Variants in STX8 observed in about 807,000 individuals in gnomAD.
STX8 encodes the protein syntaxin 8, also known as syntaxin-8.
A neutral mutation model predicts 37.5 loss-of-function variants in STX8; 23 were observed. The ratio of observed to expected loss-of-function variants is 0.61; its 90% confidence interval spans 0.44 to 0.87. The LOEUF is 0.87. STX8 is among the 40% of genes least tolerant of loss of function. The probability of loss-of-function intolerance (pLI) is 0.00; values close to 1 mark genes in which losing one functional copy is unlikely to be tolerated. For synonymous variants in STX8, 115 were observed against 99.1 expected (o/e 1.16, Z -0.95); for missense variants, 313 against 284.7 (o/e 1.10, Z -0.71).
intron 6 of STX8, among the ~76,000 whole-genome samples, chr17:9,397,458 C>T (rs145040659): frequency 3.9e-5 from 6 of 152,256 alleles, no homozygotes; most frequent in African/African-American, 1.4e-4. Flanking sequence ...GGGAGCCAAA[C>T]TCTCACTGTT....
At chr17:9,354,528 G>A (rs1910814328) in intron 7 of STX8, among the ~76,000 whole-genome samples, 1 of 151,788 alleles carries the variant, frequency 6.6e-6, no homozygotes, top group Admixed American at 6.6e-5. Context: ...CACCATGTTG[G>A]TCAGGCTGGT....
intron 7 of STX8, among the ~76,000 whole-genome samples, chr17:9,264,410 TC>T (rs953784855): frequency 6.6e-6 from 1 of 152,106 alleles, no homozygotes; most frequent in Non-Finnish European, 1.5e-5. Context: ...GCTCAAGTGA[TC>T]CCCCCACGTC....
At chr17:9,501,310 A>G (rs2142493859) in intron 5 of STX8, among the ~76,000 whole-genome samples, 1 of 152,348 alleles carries the variant, frequency 6.6e-6, no homozygotes, top group Non-Finnish European at 1.5e-5. Context: ...TTACTTAATG[A>G]CCCATCATAA....
At chr17:9,387,397 G>A (rs1456480383) in intron 6 of STX8, among the ~76,000 whole-genome samples, 4 of 152,080 alleles carry the variant, frequency 2.6e-5, no homozygotes, top group Non-Finnish European at 2.9e-5. Flanking sequence ...CCGGGTTCAC[G>A]CCATTCTCCT....
At chr17:9,503,105 CAAAAAAAAA>C (rs61437085) in intron 5 of STX8, among the ~76,000 whole-genome samples, 10 of 58,598 alleles carry the variant, frequency 1.7e-4, no homozygotes, top group Admixed American at 1.5e-3. Context: ...GACTCTGTCT[CAAAAAAAAA>C]AAAAAAAAAA....
chr17:9,437,289 T>A (rs1203970881), intron 6 of STX8, among the ~76,000 whole-genome samples: 1 of 152,208 alleles, frequency 6.6e-6, no homozygotes, highest in Non-Finnish European at 1.5e-5. Flanking sequence ...TCTCTTTTCT[T>A]TCCCCACCAA....
intron 6 of STX8, among the ~76,000 whole-genome samples, chr17:9,466,454 C>T (rs1222379098): frequency 1.3e-5 from 2 of 152,104 alleles, no homozygotes; most frequent in Non-Finnish European, 2.9e-5. Context: ...GAGATAAGTA[C>T]TACTTCCAAG....
At chr17:9,378,755 C>A in intron 6 of STX8, 102 bp from the exon 7 acceptor site, 1 of 858,450 alleles carries the variant, frequency 1.2e-6, no homozygotes. Flanking sequence ...ATCTCGAGTG[C>A]AGTAACTGAA....
At chr17:9,307,874 C>T (rs1297817923) in intron 7 of STX8, among the ~76,000 whole-genome samples, 1 of 152,058 alleles carries the variant, frequency 6.6e-6, no homozygotes, top group East Asian at 1.9e-4. Context: ...TCTTCTCCCC[C>T]AAAAGCAAGC....
chr17:9,348,844 T>C (rs1367025172), intron 7 of STX8, among the ~76,000 whole-genome samples: 1 of 152,214 alleles, frequency 6.6e-6, no homozygotes, highest in Non-Finnish European at 1.5e-5. Flanking sequence ...CCTACCTTCC[T>C]GATGGCCAAG....
chr17:9,557,841 T>C (rs34354226), intron 2 of STX8, among the ~76,000 whole-genome samples: 25,080 of 152,138 alleles, frequency 0.16, 2,857 homozygotes, highest in East Asian at 0.51. Flanking sequence ...CCTGAGCTTC[T>C]ACCCCATTGA....
intron 7 of STX8, among the ~76,000 whole-genome samples, chr17:9,369,398 T>C (rs937709934): frequency 1.3e-5 from 2 of 152,178 alleles, no homozygotes; most frequent in Non-Finnish European, 2.9e-5. Context: ...GATAGAAATA[T>C]TCTTGATAAA....
intron 1 of STX8, among the ~76,000 whole-genome samples, chr17:9,574,806 T>C (rs1003059545): frequency 2.6e-5 from 4 of 152,176 alleles, no homozygotes; most frequent in African/African-American, 4.8e-5. Flanking sequence ...AGTACTGGGA[T>C]TACAGGCGTG....
At chr17:9,379,989 C>G (rs957516173) in intron 6 of STX8, among the ~76,000 whole-genome samples, 30 of 151,740 alleles carry the variant, frequency 2.0e-4, no homozygotes, top group African/African-American at 7.0e-4. Context: ...GAAAAGAATC[C>G]TTGATGTGAA....
intron 7 of STX8, among the ~76,000 whole-genome samples, chr17:9,358,603 G>T (rs925676884): frequency 6.6e-6 from 1 of 152,160 alleles, no homozygotes; most frequent in South Asian, 2.1e-4. Flanking sequence ...CTTCCAGATG[G>T]CCCCATGTTC....
At chr17:9,298,093 G>T (rs1456798704) in intron 7 of STX8, among the ~76,000 whole-genome samples, 1 of 152,194 alleles carries the variant, frequency 6.6e-6, no homozygotes, top group Non-Finnish European at 1.5e-5. Context: ...GTAGATTCCT[G>T]TTTGTCACAG....
At chr17:9,495,318 A>G (rs1904343447) in intron 5 of STX8, among the ~76,000 whole-genome samples, 1 of 152,206 alleles carries the variant, frequency 6.6e-6, no homozygotes, top group Non-Finnish European at 1.5e-5. Flanking sequence ...AGATAAATCC[A>G]TCCTCAACCA....
chr17:9,556,401 C>A (rs1906963824), intron 3 of STX8, among the ~76,000 whole-genome samples: 1 of 152,044 alleles, frequency 6.6e-6, no homozygotes. Flanking sequence ...GTGTAGGTAA[C>A]AAGTCACGTA....
At chr17:9,312,534 T>C (rs1268254487) in intron 7 of STX8, among the ~76,000 whole-genome samples, 1 of 152,150 alleles carries the variant, frequency 6.6e-6, no homozygotes, top group East Asian at 1.9e-4. Flanking sequence ...TCATAAAAGA[T>C]AGTAAATGCA....
Sources: allele counts gnomAD v4.1 joint callset (sites outside exome capture counted in the v4.1 genomes callset), GRCh38; gene constraint gnomAD v4.1.1; transcripts MANE v1.5; gene names NCBI Gene and HGNC (gene_info 2026-07-23, HGNC 2026-07-21).